Variants in PUDP observed in about 807,000 individuals in gnomAD.
PUDP encodes pseudouridine 5'-phosphatase.
In PUDP, 8 loss-of-function variants were observed where a neutral mutation model predicts 9.4. That is an observed-to-expected ratio of 0.85 (90% CI 0.50 to 1.53). The LOEUF (loss-of-function observed/expected upper bound fraction) is 1.53. Among genes scored for constraint, PUDP ranks in the 40% most tolerant of loss-of-function variants. The probability of loss-of-function intolerance (pLI) is 0.00; values close to 1 mark genes in which losing one functional copy is unlikely to be tolerated. For missense variants in PUDP, 188 were observed against 189.7 expected, an observed-to-expected ratio of 0.99 and a Z score of 0.05; for synonymous variants, 99 against 80.7, an observed-to-expected ratio of 1.23 and a Z score of -1.22.
chrX:6,750,878 A>G (rs1055591325), intron 3 of PUDP, among the ~76,000 whole-genome samples: 23 of 111,385 alleles, frequency 2.1e-4, no homozygotes, highest in East Asian at 1.1e-3. Context: ...GGTGGCTCAC[A>G]CCTCCAATCC....
Position 7,024,672 on chromosome X carries a change from C to T in PUDP, c.205-46329G>A, listed in dbSNP as rs368886569. Among the ~76,000 whole-genome samples, 3 of 105,987 alleles carry T rather than the reference C, an allele frequency of 2.8e-5. No homozygotes were observed. The Admixed American group carries it at 3.0e-4, about 11-fold the overall frequency. The allele number at this position is 105,987 out of a possible 115,157, so 92.0% of individuals were successfully genotyped here. A position where few individuals can be genotyped will look rare whatever the true frequency, so the allele number is the denominator to read the frequency against. On this transcript the variant is annotated intron_variant and NMD_transcript_variant, in intron 1 of 3. Coordinates refer to the PUDP transcript ENST00000655425. ...TGCGATCTCAGCTCACTGCAAGGTC[C>T]GCCTTCCGGGTTCACGCCATTCTCC...
chrX:7,019,836 G>C (rs1255568258), intron 1 of PUDP, among the ~76,000 whole-genome samples: 1 of 111,760 alleles, frequency 8.9e-6, no homozygotes, highest in Admixed American at 9.5e-5. Context: ...TGCCTTTCAT[G>C]AGTTGATTTT....
chrX:7,141,710 G>T (rs1004498904), intron 1 of PUDP, among the ~76,000 whole-genome samples: 11 of 111,280 alleles, frequency 9.9e-5, no homozygotes, highest in Non-Finnish European at 3.7e-5. Flanking sequence ...GACGTTCATA[G>T]CTAGAGAGGA....
chrX:7,109,808 G>C (rs1324062824), intron 1 of PUDP, among the ~76,000 whole-genome samples: 4 of 112,748 alleles, frequency 3.5e-5, no homozygotes, highest in Non-Finnish European at 7.5e-5. Flanking sequence ...TTGCACTAGG[G>C]CCATCAGATG....
At chrX:6,929,642 C>G (rs1928159055) in intron 3 of PUDP, among the ~76,000 whole-genome samples, 1 of 112,281 alleles carries the variant, frequency 8.9e-6, no homozygotes, top group African/African-American at 3.2e-5. Context: ...GCACATCCAG[C>G]TCCCCTTTTC....
chrX:6,747,303 G>A (rs993234560), intron 3 of PUDP, among the ~76,000 whole-genome samples: 1 of 111,848 alleles, frequency 8.9e-6, no homozygotes, highest in Non-Finnish European at 1.9e-5. Flanking sequence ...CACGAGCCAT[G>A]GTTTTTCACC....
At chrX:6,850,064 A>G (rs1926804717) in intron 3 of PUDP, among the ~76,000 whole-genome samples, 1 of 111,588 alleles carries the variant, frequency 9.0e-6, no homozygotes, top group African/African-American at 3.3e-5. Context: ...GACAACATTT[A>G]TCTTCTTCAG....
chrX:6,971,388 T>C (rs1191199940), intron 3 of PUDP, among the ~76,000 whole-genome samples: 2 of 110,422 alleles, frequency 1.8e-5, no homozygotes, highest in African/African-American at 3.3e-5. Context: ...ATATGAAATT[T>C]AAAGTAGTTT....
chrX:6,892,935 A>C (rs1927536562), intron 3 of PUDP, among the ~76,000 whole-genome samples: 1 of 111,684 alleles, frequency 9.0e-6, no homozygotes. Context: ...TGACAAAACA[A>C]GTATCTGTTA....
chrX:6,760,370 C>T (rs1035385172), intron 3 of PUDP, among the ~76,000 whole-genome samples: 1 of 111,972 alleles, frequency 8.9e-6, no homozygotes, highest in African/African-American at 3.2e-5. Context: ...CAAGCCTCAG[C>T]CCTTTGGCAA....
At chrX:6,869,585 G>C (rs1927141938) in intron 3 of PUDP, among the ~76,000 whole-genome samples, 1 of 111,562 alleles carries the variant, frequency 9.0e-6, no homozygotes, top group African/African-American at 3.3e-5. Flanking sequence ...GCAAACAAGG[G>C]AGAGCTCCTT....
At chrX:6,715,841 A>C (rs1309376686) in intron 1 of PUDP, among the ~76,000 whole-genome samples, 1 of 111,601 alleles carries the variant, frequency 9.0e-6, no homozygotes, top group African/African-American at 3.3e-5. Flanking sequence ...AGAACCACCC[A>C]CTGCCCTATC....
chrX:6,715,548 C>A (rs1355429798), intron 1 of PUDP, among the ~76,000 whole-genome samples: 1 of 112,105 alleles, frequency 8.9e-6, no homozygotes, highest in African/African-American at 3.2e-5. Context: ...ATAAATGATG[C>A]CTTAATCAGT....
intron 3 of PUDP, among the ~76,000 whole-genome samples, chrX:6,873,522 T>C (rs1015977028): frequency 3.6e-5 from 4 of 111,943 alleles, no homozygotes; most frequent in Non-Finnish European, 7.5e-5. Flanking sequence ...AAATGGCTCA[T>C]AGATTTTGTT....
At chrX:6,998,480 A>G (rs11796280) in intron 1 of PUDP, among the ~76,000 whole-genome samples, 26,728 of 109,541 alleles carry the variant, frequency 0.24, 2,565 homozygotes, top group Admixed American at 0.37. Context: ...AAAAATAATC[A>G]GGGCAATTGA....
At chrX:6,979,166 G>A (rs773877916) in intron 1 of PUDP, among the ~76,000 whole-genome samples, 1 of 112,066 alleles carries the variant, frequency 8.9e-6, no homozygotes, top group African/African-American at 3.2e-5. Flanking sequence ...CCTCCAAAGT[G>A]TGTCTCCTTA....
At chrX:6,719,079 C>G (rs1313946569) in intron 1 of PUDP, among the ~76,000 whole-genome samples, 1 of 111,358 alleles carries the variant, frequency 9.0e-6, no homozygotes, top group Admixed American at 9.6e-5. Flanking sequence ...AACCAGCTCT[C>G]TTGCTTGCTG....
intron 3 of PUDP, among the ~76,000 whole-genome samples, chrX:6,817,249 T>G (rs1311114822): frequency 1.8e-5 from 2 of 109,248 alleles, no homozygotes; most frequent in African/African-American, 6.7e-5. Flanking sequence ...GATAATTTTA[T>G]TTTTTCAGAG....
chrX:7,119,727 A>C (rs1455905212), intron 1 of PUDP, among the ~76,000 whole-genome samples: 1 of 112,349 alleles, frequency 8.9e-6, no homozygotes, highest in Non-Finnish European at 1.9e-5. Flanking sequence ...TTGGTCTAAG[A>C]ATTTTTTTCT....
Sources: gnomAD v4.1 joint callset for allele counts (sites outside exome capture counted in the v4.1 genomes callset) on GRCh38, gnomAD v4.1.1 for gene constraint, MANE v1.5 for transcripts, NCBI Gene and HGNC (gene_info 2026-07-23, HGNC 2026-07-21) for gene names.